Variants in ZSWIM5 observed in about 807,000 individuals in gnomAD.
The protein encoded by ZSWIM5 is zinc finger SWIM-type containing 5.
Under a neutral mutation model 119.6 loss-of-function variants are expected in ZSWIM5, and 55 were observed. The ratio of observed to expected loss-of-function variants is 0.46; its 90% CI spans 0.37 to 0.58. The LOEUF is 0.58. ZSWIM5 is among the 20% of genes least tolerant of loss of function. ZSWIM5 has a pLI of 0.00. For synonymous variants in ZSWIM5, 537 were observed against 606.9 expected (o/e 0.88, Z 1.69); for missense variants, 1,193 against 1,512.8 (o/e 0.79, Z 3.51).
rs137904504 is a variant in ZSWIM5, at chr1:45,194,041, G to T, written c.595+11715C>A. Among the ~76,000 whole-genome samples, 63 of 152,092 alleles carry T rather than the reference G, an allele frequency of 4.1e-4. 1 individual carries two copies. The highest frequency in any genetic ancestry group is 3.9e-3 in the East Asian group (20 of 5,190). ...ATAATATTCAGTGAGACAAAAATAA[G>T]AGTTTTTCACAATAGGGAGCCATAA... is the stretch of plus-strand genomic sequence containing the variant. On this transcript the variant is annotated intron_variant, in intron 1 of 13. Coordinates refer to ENST00000359600, the MANE Select transcript of ZSWIM5 (RefSeq NM_020883.2).
intron 5 of ZSWIM5, among the ~76,000 whole-genome samples, chr1:45,044,770 TATATAA>T (rs1557746457): frequency 0.033 from 82 of 2,512 alleles, 21 homozygotes; most frequent in East Asian, 0.25. Context: ...TATATATATA[TATATAA>T]ATATATATAT....
chr1:45,182,835 T>C (rs908035380), intron 1 of ZSWIM5, among the ~76,000 whole-genome samples: 5 of 152,074 alleles, frequency 3.3e-5, no homozygotes, highest in African/African-American at 1.2e-4. Flanking sequence ...ATTAGACAGA[T>C]CAACAAGACA....
At chr1:45,205,200 G>A (rs1057207630) in intron 1 of ZSWIM5, among the ~76,000 whole-genome samples, 1 of 150,716 alleles carries the variant, frequency 6.6e-6, no homozygotes, top group Non-Finnish European at 1.5e-5. Context: ...TTGTTAGTCC[G>A]CAGCCTAGAT....
chr1:45,107,777 TTTTC>T (rs1169226922), intron 1 of ZSWIM5, among the ~76,000 whole-genome samples: 28 of 152,128 alleles, frequency 1.8e-4, no homozygotes, highest in South Asian at 2.1e-4. Context: ...AGATGCCTCC[TTTTC>T]TTTCTTTCTT....
chr1:45,137,711 G>T (rs556590223), intron 1 of ZSWIM5, among the ~76,000 whole-genome samples: 2 of 152,298 alleles, frequency 1.3e-5, no homozygotes, highest in Admixed American at 1.3e-4. Flanking sequence ...ATTATGATTG[G>T]TGCAGGATGA....
chr1:45,113,982 A>C (rs1645532227), intron 1 of ZSWIM5, among the ~76,000 whole-genome samples: 1 of 152,198 alleles, frequency 6.6e-6, no homozygotes, highest in Non-Finnish European at 1.5e-5. Flanking sequence ...GTTCTCCCAA[A>C]ATGATTTTAG....
chr1:45,018,745 G>A lies in ZSWIM5; in HGVS notation c.3267C>T (p.Ala1089=), dbSNP rs752790011. ...CAGAGCTTCGGCGGCCTGGGATGCC[G>A]GCCAGGCCAGGTGCAGTCACTGTGC... The part of the protein sequence containing the change: ...RRCTVTAPGL[A]GIPGRRSSGK... Residue 1089 remains alanine, a synonymous_variant, in exon 14 of 14, where the codon GCC becomes GCT. Coordinates refer to ENST00000359600, the MANE Select transcript of ZSWIM5 (RefSeq NM_020883.2). The surrounding 1 kb of genome is among the most constrained non-coding windows in gnomAD (Gnocchi z 6.7). The A allele has an allele frequency of 1.6e-5, 26 of 1,614,114 alleles. No homozygotes were observed. The highest frequency in any genetic ancestry group is 1.3e-4 in the African/African-American group (10 of 74,938).
At position 45,018,196 on chromosome 1, in the gene ZSWIM5, T is replaced by G; in HGVS notation, c.*258A>C. 3.5e-5 allele frequency: 19 copies of G among 539,486 alleles called. No individual in the cohort carries two copies. The highest frequency in any genetic ancestry group is 6.5e-5 in the East Asian group (2 of 30,744). The allele number at this position is 539,486 out of a possible 1,614,324, so 33.4% of individuals were successfully genotyped here. A position where few individuals can be genotyped will look rare whatever the true frequency, so the allele number is the denominator to read the frequency against. Reference sequence around the variant, plus strand: ...TCAGGACACGCAGGATATAGGGGCATGAGGTGGCATGTTGTGGGGTTTCTG... The same window carrying G: ...TCAGGACACGCAGGATATAGGGGCAGGAGGTGGCATGTTGTGGGGTTTCTG... On this transcript the variant is annotated 3_prime_UTR_variant, in exon 14 of 14. Transcript: ENST00000359600. This position sits in a 1 kb window ranked among gnomAD's most constrained non-coding sequence, Gnocchi z 6.7.
At position 45,146,329 on chromosome 1, in the gene ZSWIM5, T is replaced by C. The variant is rs530042464; in HGVS notation, c.596-58092A>G. Among the ~76,000 whole-genome samples, 23 of 151,320 alleles carry C rather than the reference T, an allele frequency of 1.5e-4. No individual in the cohort carries two copies. In the South Asian group the frequency reaches 2.1e-3, roughly 14 times the overall value. On this transcript the variant is annotated intron_variant, in intron 1 of 13. Coordinates refer to ENST00000359600, the MANE Select transcript of ZSWIM5 (RefSeq NM_020883.2). ...TATTCGTTTATACAGATACCTACCATGTTGTAACCATAGTCTGAAAACAAA... is the reference window on the plus strand; with the variant it reads ...TATTCGTTTATACAGATACCTACCACGTTGTAACCATAGTCTGAAAACAAA...
intron 11 of ZSWIM5, among the ~76,000 whole-genome samples, chr1:45,024,103 T>C (rs1029681774): frequency 5.3e-5 from 8 of 152,140 alleles, no homozygotes; most frequent in African/African-American, 1.7e-4. Context: ...ATTTGGGATA[T>C]AAGTCCTTTA....
At chr1:45,175,237 G>A (rs1645972730) in intron 1 of ZSWIM5, among the ~76,000 whole-genome samples, 1 of 152,086 alleles carries the variant, frequency 6.6e-6, no homozygotes, top group Non-Finnish European at 1.5e-5. Context: ...TATCATAGAA[G>A]TGGAGCCATG....
chr1:45,116,639 G>C (rs889872136), intron 1 of ZSWIM5, among the ~76,000 whole-genome samples: 2 of 152,116 alleles, frequency 1.3e-5, no homozygotes, highest in Non-Finnish European at 2.9e-5. Flanking sequence ...GGTATGGCAG[G>C]AAAAACCAAT....
In ZSWIM5 at chr1:45,019,069, C is replaced by T; in HGVS notation, c.2943G>A (p.Glu981=). 6.2e-7 allele frequency: 1 copy of T among 1,614,200 alleles called. No homozygotes were observed. Among genetic ancestry groups the T allele is most frequent in the Non-Finnish European group, 8.5e-7 (1 of 1,180,040 alleles). ...CATCAATGGCAATCTGGTAGGCTGC[C>T]TCAAAGGCAATGTGGTCTTTCTCAC... is the stretch of plus-strand genomic sequence containing the variant. ...TLCEKDHIAF[E]AAYQIAIDAA... Residue 981 remains glutamate (E), a synonymous_variant, in exon 14 of 14, where the codon GAG becomes GAA. Transcript: ENST00000359600. This position sits in a 1 kb window ranked among gnomAD's most constrained non-coding sequence, Gnocchi z 5.0.
intron 5 of ZSWIM5, 59 bp from the exon 6 acceptor site, chr1:45,043,454 G>A (rs1235954935): frequency 6.4e-7 from 1 of 1,568,148 alleles, no homozygotes; most frequent in Non-Finnish European, 8.7e-7. Context: ...TTTAAGCCCT[G>A]GGTCTTCTTC....
At chr1:45,021,815 T>C (rs12755751) in intron 11 of ZSWIM5, among the ~76,000 whole-genome samples, 35,998 of 151,738 alleles carry the variant, frequency 0.24, 4,573 homozygotes, top group Admixed American at 0.33. Flanking sequence ...AGGTCAGGAG[T>C]TCGAGACCAG....
At chr1:45,183,438 C>CA (rs1236410801) in intron 1 of ZSWIM5, among the ~76,000 whole-genome samples, 1 of 151,958 alleles carries the variant, frequency 6.6e-6, no homozygotes, top group African/African-American at 2.4e-5. Flanking sequence ...AAAAACCCTT[C>CA]AAAAAATTAA....
At chr1:45,201,050 A>C (rs1439195980) in intron 1 of ZSWIM5, among the ~76,000 whole-genome samples, 2 of 152,154 alleles carry the variant, frequency 1.3e-5, no homozygotes, top group African/African-American at 4.8e-5. Context: ...CGGTGTCCTT[A>C]TAAGAAGGCC....
intron 2 of ZSWIM5, among the ~76,000 whole-genome samples, chr1:45,077,066 A>T (rs961922687): frequency 6.6e-6 from 1 of 152,120 alleles, no homozygotes; most frequent in Non-Finnish European, 1.5e-5. Context: ...TCTTTCTGAA[A>T]GGTCACACAT....
intron 4 of ZSWIM5, 122 bp downstream of exon 4, chr1:45,058,487 A>G (rs1645135243): frequency 2.4e-6 from 3 of 1,271,900 alleles, no homozygotes; most frequent in Non-Finnish European, 2.2e-6. Context: ...TGTAGAACCT[A>G]AGTCTTCTAC....
Sources: allele counts gnomAD v4.1 joint callset (sites outside exome capture counted in the v4.1 genomes callset), GRCh38; gene constraint gnomAD v4.1.1; non-coding constraint Gnocchi (gnomAD v3.1); transcripts MANE v1.5; gene names NCBI Gene and HGNC (gene_info 2026-07-23, HGNC 2026-07-21).